Variants in NCOA3 observed in about 807,000 individuals in gnomAD.
NCOA3 encodes the protein nuclear receptor coactivator 3.
A neutral mutation model predicts 158.8 loss-of-function variants in NCOA3; 51 were observed. The observed-to-expected ratio is 0.32, with a 90% CI of 0.26 to 0.41. The LOEUF (loss-of-function observed/expected upper bound fraction) is 0.41. NCOA3 is among the 10% of genes least tolerant of loss of function. The probability of loss-of-function intolerance (pLI) is 1.00; values close to 1 mark genes in which losing one functional copy is unlikely to be tolerated. For synonymous variants in NCOA3, 537 were observed against 592.4 expected, an observed-to-expected ratio of 0.91 and a Z score of 1.36; for missense variants, 1,510 against 1,746.6, an observed-to-expected ratio of 0.86 and a Z score of 2.41.
chr20:47,522,907 C>G (rs1194425975), intron 1 of NCOA3, among the ~76,000 whole-genome samples: 1 of 137,696 alleles, frequency 7.3e-6, no homozygotes. Flanking sequence ...AAAAAAAAAA[C>G]GAGCCCGGCG....
At chr20:47,622,185 TA>T in intron 2 of NCOA3, 43 bp from the exon 3 acceptor site, 1 of 1,056,968 alleles carries the variant, frequency 9.5e-7, no homozygotes, top group Non-Finnish European at 1.4e-6. Flanking sequence ...GAGTCATGTA[TA>T]TTTTTTAATG....
intron 2 of NCOA3, among the ~76,000 whole-genome samples, chr20:47,599,179 C>A (rs1426757285): frequency 6.6e-6 from 1 of 152,170 alleles, no homozygotes; most frequent in African/African-American, 2.4e-5. Flanking sequence ...TTAAGCTAGG[C>A]ATGACTGAAC....
chr20:47,603,611 G>C (rs1180615427), intron 2 of NCOA3, among the ~76,000 whole-genome samples: 1 of 152,248 alleles, frequency 6.6e-6, no homozygotes, highest in Non-Finnish European at 1.5e-5. Context: ...GGTGAATGTG[G>C]GGATTTTATT....
rs1322677059 is a variant in NCOA3, at chr20:47,569,165, G to A, written c.-98-14018G>A. Among the ~76,000 whole-genome samples, 10 of 152,140 alleles carry A rather than the reference G, an allele frequency of 6.6e-5. No individual in the cohort carries two copies. The East Asian group carries it at 1.9e-3, about 29-fold the overall frequency. On this transcript the variant is annotated intron_variant, in intron 1 of 22. Coordinates refer to ENST00000371998, the MANE Select transcript of NCOA3 (RefSeq NM_181659.3). ...GTTTGAGACCAAGCTGGGCAACATA[G>A]CAAGACCCCATCTCTATAAAATATT...
At chr20:47,631,118 A>G (rs1227157747) in intron 8 of NCOA3, 1 of 152,220 alleles carries the variant, frequency 6.6e-6, no homozygotes, top group African/African-American at 2.4e-5. Flanking sequence ...ATTCAAAGAC[A>G]TAGAAAAGGC....
intron 2 of NCOA3, among the ~76,000 whole-genome samples, chr20:47,587,438 C>T (rs1407591745): frequency 1.3e-5 from 2 of 152,186 alleles, no homozygotes; most frequent in Non-Finnish European, 2.9e-5. Flanking sequence ...TATACACATA[C>T]ATGTACATAT....
chr20:47,561,080 C>T (rs2085096915), intron 1 of NCOA3, among the ~76,000 whole-genome samples: 2 of 149,628 alleles, frequency 1.3e-5, no homozygotes, highest in African/African-American at 4.9e-5. Context: ...GATCCTCCTA[C>T]CGCAGCCTCC....
chr20:47,503,249 A>G (rs914578315), intron 1 of NCOA3, among the ~76,000 whole-genome samples: 2 of 152,226 alleles, frequency 1.3e-5, no homozygotes, highest in African/African-American at 4.8e-5. Context: ...CAGGTTGTTG[A>G]GAAGGTGATT....
chr20:47,594,282 G>T (rs1295576866), intron 2 of NCOA3, among the ~76,000 whole-genome samples: 1 of 152,068 alleles, frequency 6.6e-6, no homozygotes. Context: ...ATGATTGACG[G>T]ATCAGATTCT....
At chr20:47,580,824 G>A (rs1001099908) in intron 1 of NCOA3, among the ~76,000 whole-genome samples, 6 of 152,068 alleles carry the variant, frequency 3.9e-5, no homozygotes, top group East Asian at 1.9e-4. Context: ...CATTCGGTCC[G>A]GTATGGTGGC....
chr20:47,638,544 G>T (rs1044653176), intron 13 of NCOA3, among the ~76,000 whole-genome samples: 1 of 151,886 alleles, frequency 6.6e-6, no homozygotes, highest in Non-Finnish European at 1.5e-5. Context: ...AAGAGTGGGG[G>T]GGAAAAAAAG....
chr20:47,543,834 A>G (rs1436032066), intron 1 of NCOA3, among the ~76,000 whole-genome samples: 2 of 152,122 alleles, frequency 1.3e-5, no homozygotes, highest in African/African-American at 4.8e-5. Flanking sequence ...CTAATCAAGT[A>G]TTTGGTCACC....
At chr20:47,536,957 C>T (rs1367653788) in intron 1 of NCOA3, among the ~76,000 whole-genome samples, 2 of 152,008 alleles carry the variant, frequency 1.3e-5, no homozygotes, top group Admixed American at 6.6e-5. Flanking sequence ...GTGTGCGCCA[C>T]CATGCCCGGC....
rs114062331 is a variant in NCOA3, at chr20:47,604,372, T to C, written c.-19-17857T>C. Among the ~76,000 whole-genome samples the C allele has an allele frequency of 9.7e-4, 148 of 152,332 alleles. 1 individual carries two copies. Among genetic ancestry groups the C allele is most frequent in the African/African-American group, 3.5e-3 (145 of 41,576 alleles). ...CCTCTTCACTATGCTTCATTTAAGT[T>C]GGATTCGTTGTTTTCTTGTTCACTA... On this transcript the variant is annotated intron_variant, in intron 2 of 22. Coordinates refer to ENST00000371998, the MANE Select transcript of NCOA3 (RefSeq NM_181659.3).
intron 13 of NCOA3, 53 bp from the exon 14 acceptor site, chr20:47,638,955 A>G: frequency 7.0e-7 from 1 of 1,420,110 alleles, no homozygotes. Flanking sequence ...TTTGTACTTG[A>G]TTATTTATAT....
Position 47,558,998 on chromosome 20 carries a change from A to G in NCOA3, c.-98-24185A>G, listed in dbSNP as rs928013317. On this transcript the variant is annotated intron_variant, in intron 1 of 22. Coordinates refer to ENST00000371998, the MANE Select transcript of NCOA3 (RefSeq NM_181659.3). ...TTCCGTAACAGTGATGGCATCTTCA[A>G]TGGTGTAATCTTTCCAGATTTTCAT... Among the ~76,000 whole-genome samples, 23 of 152,140 alleles carry G rather than the reference A, an allele frequency of 1.5e-4. No individual in the cohort carries two copies. The Middle Eastern group carries it at 0.01, about 68-fold the overall frequency.
intron 2 of NCOA3, among the ~76,000 whole-genome samples, chr20:47,606,677 A>G (rs967727459): frequency 1.6e-4 from 25 of 152,224 alleles, no homozygotes; most frequent in African/African-American, 5.5e-4. Context: ...TCTCCGGGAA[A>G]AGCACTTGCG....
At chr20:47,582,219 T>A (rs535315896) in intron 1 of NCOA3, among the ~76,000 whole-genome samples, 180 of 152,294 alleles carry the variant, frequency 1.2e-3, no homozygotes, top group Middle Eastern at 0.01. Context: ...TTAATTAATT[T>A]ACTTATTTTT....
At chr20:47,603,370 G>A (rs1473143184) in intron 2 of NCOA3, among the ~76,000 whole-genome samples, 1 of 152,244 alleles carries the variant, frequency 6.6e-6, no homozygotes, top group Non-Finnish European at 1.5e-5. Context: ...AGGAGCATGC[G>A]TGCAGGCAGG....
Sources: allele counts gnomAD v4.1 joint callset (sites outside exome capture counted in the v4.1 genomes callset), GRCh38; gene constraint gnomAD v4.1.1; transcripts MANE v1.5; gene names NCBI Gene and HGNC (gene_info 2026-07-23, HGNC 2026-07-21).